The following ACOT7 variants were observed in gnomAD, a reference collection of about 807,000 sequenced individuals.
ACOT7 encodes cytosolic acyl coenzyme A thioester hydrolase.
ACOT7 carries 12 observed loss-of-function variants against 40.2 expected under a neutral mutation model. The observed-to-expected ratio is 0.30, with a 90% confidence interval of 0.19 to 0.48. ACOT7 has a LOEUF of 0.48. Ranked by LOEUF, ACOT7 falls within the 20% of genes least tolerant of loss-of-function variation. The probability of loss-of-function intolerance (pLI) is 0.99; values close to 1 mark genes in which losing one functional copy is unlikely to be tolerated. For missense variants in ACOT7, 395 were observed against 530.8 expected (o/e 0.74, Z 2.51); for synonymous variants, 228 against 219.5 (o/e 1.04, Z -0.34).
At chr1:6,360,694 G>C (rs1316378786) in intron 1 of ACOT7, 1 of 1,613,876 alleles carries the variant, frequency 6.2e-7, no homozygotes, top group South Asian at 1.1e-5. Context: ...AGAAGCTGCA[G>C]CCAAATGGAA....
chr1:6,334,554 C>A (rs1641048548), intron 3 of ACOT7, among the ~76,000 whole-genome samples: 1 of 152,244 alleles, frequency 6.6e-6, no homozygotes, highest in East Asian at 1.9e-4. Context: ...TTCCTTCACA[C>A]CAGACACTCG....
At chr1:6,315,753 TAAAAAAAAAAAA>T (rs61115908) in intron 6 of ACOT7, among the ~76,000 whole-genome samples, 1 of 83,600 alleles carries the variant, frequency 1.2e-5, no homozygotes, top group African/African-American at 3.9e-5. Flanking sequence ...AGACTCTGTC[TAAAAAAAAAAAA>T]AAAAAAAAAA....
intron 2 of ACOT7, among the ~76,000 whole-genome samples, chr1:6,341,413 G>A (rs142580631): frequency 0.078 from 11,867 of 151,714 alleles, 495 homozygotes; most frequent in Non-Finnish European, 0.091. Context: ...GATTACAGGC[G>A]TGAGCCACCG....
chr1:6,302,542 T>C (rs1444275849), intron 6 of ACOT7, among the ~76,000 whole-genome samples: 1 of 151,898 alleles, frequency 6.6e-6, no homozygotes, highest in Non-Finnish European at 1.5e-5. Flanking sequence ...CAGTCTGTGT[T>C]TTCACAAATG....
At chr1:6,388,738 A>T (rs1332589992) in intron 1 of ACOT7, among the ~76,000 whole-genome samples, 1 of 57,638 alleles carries the variant, frequency 1.7e-5, no homozygotes, top group African/African-American at 1.5e-4. Context: ...AGACTCTCTT[A>T]AAAAAAAAAA....
Position 6,282,890 on chromosome 1 carries a change from T to C in ACOT7, c.830-1604A>G, listed in dbSNP as rs1470164234. 2.2e-6 allele frequency: 2 copies of C among 905,502 alleles called. No individual in the cohort carries two copies. Among genetic ancestry groups the C allele is most frequent in the East Asian group, 6.2e-5 (1 of 16,184 alleles). The allele number at this position is 905,502 out of a possible 1,614,324, so 56.1% of individuals were successfully genotyped here. A position where few individuals can be genotyped will look rare whatever the true frequency, so the allele number is the denominator to read the frequency against. On this transcript the variant is annotated intron_variant, in intron 7 of 8. Coordinates refer to ENST00000361521, the MANE Select transcript of ACOT7 (RefSeq NM_007274.4). This position sits in a 1 kb window ranked among gnomAD's most constrained non-coding sequence, Gnocchi z 4.5. ...ATGGGTCAGGCCCCAGCTAAGGAGC[T>C]AGAAGTTTCAACAGGTCAGACCTGA...
intron 6 of ACOT7, among the ~76,000 whole-genome samples, chr1:6,314,798 C>T (rs1441654136): frequency 2.0e-5 from 3 of 151,794 alleles, no homozygotes; most frequent in South Asian, 4.2e-4. Context: ...GGGATGATGA[C>T]GGTCCTCCAC....
chr1:6,344,763 CAAAAAAA>C lies in ACOT7; in HGVS notation c.261+4979_261+4985del, dbSNP rs58594477. On this transcript the variant is annotated intron_variant, in intron 2 of 8. Transcript: ENST00000361521. ...TGGGCGACAGAGCAAGACTCTGTCT[CAAAAAAA>C]AAAAAAAAAAAAAAAAAAAAGAAAA... Among the ~76,000 whole-genome samples the C allele has an allele frequency of 9.8e-4, 55 of 56,038 alleles. No individual in the cohort carries two copies. In the South Asian group the frequency reaches 0.019, roughly 19 times the overall value. 36.8% of individuals were successfully genotyped at this position (56,038 alleles called of 152,430 possible). A position where few individuals can be genotyped will look rare whatever the true frequency, so the allele number is the denominator to read the frequency against.
chr1:6,279,605 T>C (rs1639295312), intron 8 of ACOT7, among the ~76,000 whole-genome samples: 1 of 152,224 alleles, frequency 6.6e-6, no homozygotes, highest in Non-Finnish European at 1.5e-5. Flanking sequence ...CTTTCCTTCC[T>C]TTCAGCCTGG....
chr1:6,383,450 G>A (rs1280509426), intron 1 of ACOT7, among the ~76,000 whole-genome samples: 1 of 151,140 alleles, frequency 6.6e-6, no homozygotes, highest in African/African-American at 2.4e-5. Context: ...GCCTCCCAAA[G>A]TTCTGGGATT....
chr1:6,386,297 C>T (rs12095137), intron 1 of ACOT7, among the ~76,000 whole-genome samples: 30,710 of 152,128 alleles, frequency 0.2, 5,150 homozygotes, highest in African/African-American at 0.46. Flanking sequence ...GAGTTAGAGG[C>T]AGTAGCTCTG....
chr1:6,343,107 C>T (rs143694633), intron 2 of ACOT7, among the ~76,000 whole-genome samples: 2 of 152,254 alleles, frequency 1.3e-5, no homozygotes, highest in East Asian at 1.9e-4. Flanking sequence ...GGGCCAGCTC[C>T]GACATCACTG....
chr1:6,306,568 G>T lies in ACOT7; in HGVS notation c.713-11588C>A, dbSNP rs1255231028. 1.0e-6 allele frequency: 1 copy of T among 985,320 alleles called. No homozygotes were observed. The highest frequency in any genetic ancestry group is 1.2e-6 in the Non-Finnish European group (1 of 829,936). 61.0% of individuals were successfully genotyped at this position (985,320 alleles called of 1,614,324 possible). On this transcript the variant is annotated intron_variant, in intron 6 of 8. Transcript: ENST00000361521. This position sits in a 1 kb window ranked among gnomAD's most constrained non-coding sequence, Gnocchi z 4.3. Reference sequence around the variant, plus strand: ...TTCAGAACAGAAGAACCTGGAGAACGATGTTTTCAAACACCAAGATCCTAG... The same window carrying T: ...TTCAGAACAGAAGAACCTGGAGAACTATGTTTTCAAACACCAAGATCCTAG...
intron 1 of ACOT7, among the ~76,000 whole-genome samples, chr1:6,365,469 T>C (rs897229013): frequency 1.2e-4 from 19 of 152,292 alleles, no homozygotes; most frequent in African/African-American, 4.3e-4. Flanking sequence ...TATACCTTCA[T>C]TTAAAAACAC....
At position 6,294,062 on chromosome 1, in the gene ACOT7, T is replaced by C. The variant is rs2148394760; in HGVS notation, c.829+802A>G. On this transcript the variant is annotated intron_variant, in intron 7 of 8. Coordinates refer to ENST00000361521, the MANE Select transcript of ACOT7 (RefSeq NM_007274.4). The surrounding 1 kb of genome is among the most constrained non-coding windows in gnomAD (Gnocchi z 4.6). ...CAAGGGGCTGGTCTCAGCCAACAGC[T>C]CCTCCAACAAGCCGCTTTAATGAGG... Among the ~76,000 whole-genome samples the C allele has an allele frequency of 6.6e-6, 1 of 152,228 alleles. No homozygotes were observed. The highest frequency in any genetic ancestry group is 2.1e-4 in the South Asian group (1 of 4,828).
At chr1:6,276,230 G>A (rs949321058) in intron 8 of ACOT7, among the ~76,000 whole-genome samples, 5 of 152,094 alleles carry the variant, frequency 3.3e-5, no homozygotes, top group Admixed American at 2.0e-4. Flanking sequence ...TGCCAGGGAC[G>A]TCCTCCGCTT....
intron 4 of ACOT7, among the ~76,000 whole-genome samples, chr1:6,328,328 G>A (rs867387831): frequency 1.3e-5 from 2 of 152,070 alleles, no homozygotes; most frequent in South Asian, 4.2e-4. Flanking sequence ...TGAATCACAG[G>A]GGTTTTGACT....
intron 6 of ACOT7, chr1:6,295,183 G>A: frequency 2.0e-6 from 1 of 500,824 alleles, no homozygotes; most frequent in Non-Finnish European, 3.6e-6. Context: ...TGAAAAAAAC[G>A]ACCATGGCTG....
At position 6,281,089 on chromosome 1, in the gene ACOT7, GA is replaced by G. The variant is rs1361106744; in HGVS notation, c.1014+12del. The stretch of plus-strand genomic sequence containing the variant: ...GGCAGGGAGGGGCCGCCGTTCCAAG[GA>G]TGCGCACTCACCACCAGCTGGGGCA... On this transcript the variant is annotated intron_variant, in intron 8 of 8. Coordinates refer to ENST00000361521, the MANE Select transcript of ACOT7 (RefSeq NM_007274.4). The G allele has an allele frequency of 3.1e-6, 5 of 1,611,986 alleles. No individual in the cohort carries two copies. The highest frequency in any genetic ancestry group is 3.4e-6 in the Non-Finnish European group (4 of 1,179,820).
Sources: gnomAD v4.1 joint callset for allele counts (sites outside exome capture counted in the v4.1 genomes callset) on GRCh38, gnomAD v4.1.1 for gene constraint, Gnocchi (gnomAD v3.1) non-coding constraint, MANE v1.5 for transcripts, NCBI Gene and HGNC (gene_info 2026-07-23, HGNC 2026-07-21) for gene names.